Variants in TMEM260 observed in about 807,000 individuals in gnomAD.
The protein encoded by TMEM260 is transmembrane protein 260.
Under a neutral mutation model 88.9 loss-of-function variants are expected in TMEM260, and 82 were observed. The ratio of observed to expected loss-of-function variants is 0.92; its 90% CI spans 0.77 to 1.11. The LOEUF is 1.11. Ranked by LOEUF, TMEM260 falls within the 50% of genes least tolerant of loss-of-function variation. The pLI, the probability that TMEM260 is intolerant of heterozygous loss-of-function variation, is 0.00. For missense variants in TMEM260, 902 were observed against 853.4 expected (o/e 1.06, Z -0.71); for synonymous variants, 314 against 309.3 (o/e 1.02, Z -0.16).
rs766514623 is a variant in TMEM260 at position 56,636,615 on chromosome 14, T to C, written c.1869+17T>C. 1.9e-6 allele frequency: 3 copies of C among 1,601,254 alleles called. No homozygotes were observed. The highest frequency in any genetic ancestry group is 3.3e-5 in the Admixed American group (2 of 59,986). ...GCATATGACGTATGTTACACTTTTA[T>C]ATGTAGATATAGATATATTTGGTGG... is the stretch of plus-strand genomic sequence containing the variant. On this transcript the variant is annotated intron_variant, in intron 15 of 15. Transcript: ENST00000261556.
At chr14:56,640,277 G>A (rs961421918) in intron 15 of TMEM260, among the ~76,000 whole-genome samples, 39 of 152,234 alleles carry the variant, frequency 2.6e-4, no homozygotes, top group Non-Finnish European at 5.1e-4. Context: ...TCACACAGCC[G>A]GGTACTCCTC....
intron 3 of TMEM260, among the ~76,000 whole-genome samples, chr14:56,597,339 C>T (rs1886309987): frequency 6.6e-6 from 1 of 152,144 alleles, no homozygotes; most frequent in Non-Finnish European, 1.5e-5. Flanking sequence ...ATTCCAAAAT[C>T]TGAAAAAATC....
chr14:56,654,921 T>C (rs893203224), downstream of TMEM260, among the ~76,000 whole-genome samples: 4 of 151,656 alleles, frequency 2.6e-5, no homozygotes, highest in Non-Finnish European at 5.9e-5. Context: ...ATGTATTCAG[T>C]GTGTAGGTGA....
At chr14:56,644,473 C>A (rs945887566) in intron 15 of TMEM260, among the ~76,000 whole-genome samples, 1 of 151,992 alleles carries the variant, frequency 6.6e-6, no homozygotes, top group Non-Finnish European at 1.5e-5. Context: ...GAAACTGGAT[C>A]CCTTCCTTAC....
Position 56,585,027 on chromosome 14 carries a change from C to T in TMEM260, c.187C>T (p.Leu63Phe), listed in dbSNP as rs1566524231. The T allele has an allele frequency of 2.5e-6, 4 of 1,611,624 alleles. No homozygotes were observed. The highest frequency in any genetic ancestry group is 2.2e-5 in the East Asian group (1 of 44,796). Residue 63 changes from leucine to phenylalanine, a missense_variant, in exon 2 of 16, where the codon CTT (leucine) becomes TTT (phenylalanine). Leu to Phe is a conservative substitution (Grantham distance 22, BLOSUM62 0). Coordinates refer to ENST00000261556, the MANE Select transcript of TMEM260 (RefSeq NM_017799.4). ...SGELITAAHELGVAHPPGYPL... is the reference protein window; with the variant it reads ...SGELITAAHEFGVAHPPGYPL... ...GGAACTGATCACAGCCGCACATGAG[C>T]TTGGAGTAAGTATTAGTTTTATTGT...
chr14:56,622,805 AATT>A (rs1208543202), intron 11 of TMEM260, among the ~76,000 whole-genome samples: 4 of 152,340 alleles, frequency 2.6e-5, no homozygotes, highest in Admixed American at 1.3e-4. Context: ...ATTAATGAAT[AATT>A]ATAATTTTTG....
chr14:56,630,370 G>C (rs968380228), intron 12 of TMEM260, among the ~76,000 whole-genome samples: 6 of 151,874 alleles, frequency 4.0e-5, no homozygotes, highest in African/African-American at 1.5e-4. Flanking sequence ...TTCTCCTTCT[G>C]AGACTCTGAT....
chr14:56,615,832 C>G (rs1006802055), intron 7 of TMEM260, 112 bp from the exon 8 acceptor site: 2 of 704,288 alleles, frequency 2.8e-6, no homozygotes, highest in African/African-American at 1.8e-5. Context: ...AAATCTGACC[C>G]CAGCCCTTGT....
chr14:56,601,097 A>G (rs981790702), intron 3 of TMEM260, among the ~76,000 whole-genome samples: 37 of 152,196 alleles, frequency 2.4e-4, no homozygotes, highest in Admixed American at 2.0e-4. Flanking sequence ...ATCTAAGGTA[A>G]CCAGATAAAT....
chr14:56,643,752 C>T (rs146912207), intron 15 of TMEM260, among the ~76,000 whole-genome samples: 22 of 152,206 alleles, frequency 1.4e-4, no homozygotes, highest in Admixed American at 4.6e-4. Flanking sequence ...ATTGTATATT[C>T]AGAAAACCCC....
intron 15 of TMEM260, chr14:56,638,384 A>C (rs1889289687): frequency 6.6e-6 from 1 of 152,128 alleles, no homozygotes; most frequent in Non-Finnish European, 1.5e-5. Context: ...AATCCTGTTT[A>C]TCTCTAATAC....
intron 14 of TMEM260, among the ~76,000 whole-genome samples, chr14:56,635,303 T>TAATC (rs1374167336): frequency 6.6e-6 from 1 of 152,208 alleles, no homozygotes; most frequent in Non-Finnish European, 1.5e-5. Flanking sequence ...GAGTAGAAAT[T>TAATC]AATCATTACA....
chr14:56,625,366 G>C lies in TMEM260; in HGVS notation c.1399-16G>C. On this transcript the variant is annotated splice_polypyrimidine_tract_variant and intron_variant, in intron 11 of 15. Transcript: ENST00000261556. ...ATATATTAAAAGTCTGACATTATGT[G>C]TGACTTTTCTGGCAGATGATGACTT... is the stretch of plus-strand genomic sequence containing the variant. 1 of 1,609,174 alleles carries C rather than the reference G, an allele frequency of 6.2e-7. No individual in the cohort carries two copies. The highest frequency in any genetic ancestry group is 8.5e-7 in the Non-Finnish European group (1 of 1,178,620).
Position 56,593,646 on chromosome 14 carries a change from AT to A in TMEM260, c.344+7738del, listed in dbSNP as rs1413595126. On this transcript the variant is annotated intron_variant, in intron 3 of 15. Coordinates refer to ENST00000261556, the MANE Select transcript of TMEM260 (RefSeq NM_017799.4). ...ACCTCTCTAACAGTGTCAAAACTTG[AT>A]TTTGATTATTGGTATTGACAGGTGA... is the stretch of plus-strand genomic sequence containing the variant. Among the ~76,000 whole-genome samples, 12 of 114,606 alleles carry A rather than the reference AT, an allele frequency of 1.0e-4. No homozygotes were observed. The East Asian group carries it at 3.3e-3, about 31-fold the overall frequency. 75.2% of individuals were successfully genotyped at this position (114,606 alleles called of 152,430 possible).
rs1162588747 is a variant in TMEM260 at position 56,581,192 on chromosome 14, GAT to G, written c.160+1122_160+1123del. 4.6e-5 allele frequency among the ~76,000 whole-genome samples: 7 copies of G among 152,250 alleles called. No homozygotes were observed. The East Asian group carries it at 1.4e-3, about 29-fold the overall frequency. ...CATTTTGTAACCTAATACTGTAAGTGATATACCACTTCTGCATTTTATTCCTG... is the reference window on the plus strand; with the variant it reads ...CATTTTGTAACCTAATACTGTAAGTGATACCACTTCTGCATTTTATTCCTG... On this transcript the variant is annotated intron_variant, in intron 1 of 15. Transcript: ENST00000261556.
Position 56,621,153 on chromosome 14 carries a change from G to A in TMEM260, c.1227-378G>A, listed in dbSNP as rs72711220. On this transcript the variant is annotated intron_variant, in intron 10 of 15. Transcript: ENST00000261556. ...CAGATTTCCTTTTGCATTTCTGAAA[G>A]TTCCTTTGAGTAAATGGAATGAACA... Among the ~76,000 whole-genome samples, 458 of 150,960 alleles carry A rather than the reference G, an allele frequency of 3.0e-3. 1 individual carries two copies. The highest frequency in any genetic ancestry group is 0.01 in the Middle Eastern group (3 of 292).
At chr14:56,616,173 A>G (rs1020069470) in intron 8 of TMEM260, 146 bp downstream of exon 8, 2 of 589,110 alleles carry the variant, frequency 3.4e-6, no homozygotes, top group Admixed American at 3.0e-5. Context: ...ATAAACGTGT[A>G]TTGCTTTCTT....
At chr14:56,625,172 G>A (rs1888168296) in intron 11 of TMEM260, among the ~76,000 whole-genome samples, 1 of 152,160 alleles carries the variant, frequency 6.6e-6, no homozygotes, top group African/African-American at 2.4e-5. Flanking sequence ...AGAAGGTACT[G>A]ATGTGACTGA....
chr14:56,612,288 G>A lies in TMEM260; in HGVS notation c.857+3G>A. On this transcript the variant is annotated splice_donor_region_variant and intron_variant, in intron 7 of 15. Coordinates refer to ENST00000261556, the MANE Select transcript of TMEM260 (RefSeq NM_017799.4). ...TCCAGTATGTCTGAAATACTGCTGTGAGTATGAAATATTTGAAACTACTTT... is the reference window on the plus strand; with the variant it reads ...TCCAGTATGTCTGAAATACTGCTGTAAGTATGAAATATTTGAAACTACTTT... 1 of 1,612,058 alleles carries A rather than the reference G, an allele frequency of 6.2e-7. No individual in the cohort carries two copies. Among genetic ancestry groups the A allele is most frequent in the Non-Finnish European group, 8.5e-7 (1 of 1,178,288 alleles).
Sources: allele counts gnomAD v4.1 joint callset (sites outside exome capture counted in the v4.1 genomes callset), GRCh38; gene constraint gnomAD v4.1.1; transcripts MANE v1.5; gene names NCBI Gene and HGNC (gene_info 2026-07-23, HGNC 2026-07-21).